The following TAF1 variants were observed in gnomAD, a reference collection of about 807,000 sequenced individuals.
TAF1 encodes the protein TATA-box binding protein associated factor 1.
TAF1 carries 2 observed loss-of-function variants against 138.5 expected under a neutral mutation model. The observed-to-expected ratio is 0.01, with a 90% CI of 0.01 to 0.05. TAF1 has a LOEUF of 0.05. Among genes scored for constraint, TAF1 ranks in the 10% least tolerant of loss-of-function variants. The pLI is 1.00. For synonymous variants in TAF1, 437 were observed against 503.2 expected, an observed-to-expected ratio of 0.87 and a Z score of 1.76; for missense variants, 709 against 1,478.0, an observed-to-expected ratio of 0.48 and a Z score of 8.53.
chrX:71,388,922 T>C, intron 17 of TAF1, 54 bp downstream of exon 17: 2 of 1,148,612 alleles, frequency 1.7e-6, no homozygotes, highest in Non-Finnish European at 2.3e-6. Flanking sequence ...TGTTTTTTTT[T>C]TTCTTCCCCC....
intron 22 of TAF1, among the ~76,000 whole-genome samples, chrX:71,394,763 C>T (rs770179235): frequency 4.0e-4 from 45 of 111,699 alleles, no homozygotes; most frequent in Non-Finnish European, 5.8e-4. Flanking sequence ...TCCTGAGTAG[C>T]TGGGACTATA....
chrX:71,401,465 T>C (rs752906963), intron 24 of TAF1, 63 bp from the exon 25 acceptor site: 156 of 1,167,918 alleles, frequency 1.3e-4, no homozygotes, highest in Non-Finnish European at 1.7e-4. Context: ...TCTTACCTGC[T>C]TATCTCTGAT....
chrX:71,469,480 G>A (rs755512448), downstream of TAF1, among the ~76,000 whole-genome samples: 3 of 109,608 alleles, frequency 2.7e-5, no homozygotes, highest in Admixed American at 2.9e-4. Context: ...GCTTGATTGA[G>A]TCCAGGAGTT....
intron 32 of TAF1, among the ~76,000 whole-genome samples, chrX:71,429,450 A>T (rs1212368930): frequency 1.8e-5 from 2 of 111,475 alleles, no homozygotes; most frequent in African/African-American, 6.5e-5. Context: ...ATGCAAAAGT[A>T]GATGAAGGTG....
At chrX:71,426,081 G>T (rs1409035801) in intron 32 of TAF1, among the ~76,000 whole-genome samples, 1 of 107,731 alleles carries the variant, frequency 9.3e-6, no homozygotes, top group Middle Eastern at 4.3e-3. Flanking sequence ...GCAACATAGT[G>T]AGACCCCATC....
At chrX:71,481,538 C>T (rs1332744452) in intron 13 of TAF1, among the ~76,000 whole-genome samples, 1 of 111,303 alleles carries the variant, frequency 9.0e-6, no homozygotes, top group Non-Finnish European at 1.9e-5. Context: ...TGGGCTCTAC[C>T]CTGAAATTGA....
At chrX:71,367,732 G>GC in intron 2 of TAF1, 119 bp downstream of exon 2, 1 of 837,086 alleles carries the variant, frequency 1.2e-6, no homozygotes. Flanking sequence ...GTGCAGTGGG[G>GC]CGATCTGGGC....
rs112652457 is a variant in TAF1 at position 71,376,946 on chromosome X, G to T, written c.473-4G>T. The T allele has an allele frequency of 9.6e-5, 116 of 1,209,032 alleles. 2 individuals carry two copies. The Middle Eastern group carries it at 3.0e-3, about 31-fold the overall frequency. ...GCCAAAGGGGTTTCTCTTCCTTGTT[G>T]CAGTGTCTGAAAATGGAGAAGGCAT... On this transcript the variant is annotated splice_polypyrimidine_tract_variant and splice_region_variant and intron_variant, in intron 4 of 37. Transcript: ENST00000423759.
intron 13 of TAF1, among the ~76,000 whole-genome samples, chrX:71,525,227 A>G (rs1010124940): frequency 2.7e-5 from 3 of 109,880 alleles, no homozygotes; most frequent in African/African-American, 9.9e-5. Context: ...TTTTTAGTAA[A>G]GAGGGGGTTT....
chrX:71,375,034 C>T, intron 3 of TAF1, 133 bp from the exon 4 acceptor site: 1 of 874,934 alleles, frequency 1.1e-6, no homozygotes, highest in South Asian at 2.8e-5. Context: ...TGAGATTGCA[C>T]CGCTGCACTC....
chrX:71,398,379 C>T (rs2034975166), intron 23 of TAF1, among the ~76,000 whole-genome samples, 193 bp from the exon 24 acceptor site: 1 of 110,749 alleles, frequency 9.0e-6, no homozygotes, highest in Non-Finnish European at 1.9e-5. Context: ...TTACTCAGGA[C>T]TTATTCTAAG....
chrX:71,446,471 T>C (rs1383930966), intron 32 of TAF1, among the ~76,000 whole-genome samples: 1 of 111,972 alleles, frequency 8.9e-6, no homozygotes, highest in African/African-American at 3.2e-5. Context: ...TGAAACAGCA[T>C]AGAATTGTAT....
chrX:71,439,444 A>T, intron 32 of TAF1, among the ~76,000 whole-genome samples: 1 of 111,602 alleles, frequency 9.0e-6, no homozygotes, highest in East Asian at 2.8e-4. Flanking sequence ...TGTCAGGTAG[A>T]CCTTTTAAAA....
At chrX:71,485,558 G>A (rs771019891) in intron 13 of TAF1, among the ~76,000 whole-genome samples, 13 of 111,791 alleles carry the variant, frequency 1.2e-4, no homozygotes, top group Non-Finnish European at 5.6e-5. Flanking sequence ...GTGTGAAGTG[G>A]CATCTCATTG....
intron 22 of TAF1, among the ~76,000 whole-genome samples, chrX:71,396,171 A>G (rs1003408362): frequency 3.7e-5 from 4 of 108,938 alleles, no homozygotes; most frequent in South Asian, 4.0e-4. Context: ...AATAACCTAC[A>G]TTTGAACAAG....
intron 13 of TAF1, among the ~76,000 whole-genome samples, chrX:71,520,051 T>C (rs2039902638): frequency 9.1e-6 from 1 of 110,323 alleles, no homozygotes; most frequent in South Asian, 3.9e-4. Context: ...TGACCTTAAG[T>C]GATCCGCCCA....
Position 71,464,059 on chromosome X carries a change from G to C in TAF1, c.*13G>C. ...CTCTGATGAATGAGGCTTCCTTTGG[G>C]CCTCCTTGGTCAGCCTTCCCTGTTC... On this transcript the variant is annotated 3_prime_UTR_variant, in exon 38 of 38. Coordinates refer to ENST00000423759, the MANE Select transcript of TAF1 (RefSeq NM_004606.5). 1 of 1,174,437 alleles carries C rather than the reference G, an allele frequency of 8.5e-7. No homozygotes were observed. Among genetic ancestry groups the C allele is most frequent in the African/African-American group, 1.8e-5 (1 of 56,812 alleles).
At chrX:71,385,876 T>G (rs1195186144) in intron 14 of TAF1, among the ~76,000 whole-genome samples, 4 of 111,966 alleles carry the variant, frequency 3.6e-5, no homozygotes, top group Non-Finnish European at 5.6e-5. Flanking sequence ...AAGATCTTTT[T>G]CTGGCCGAGC....
intron 13 of TAF1, among the ~76,000 whole-genome samples, chrX:71,483,018 C>T (rs184768182): frequency 7.5e-4 from 83 of 110,766 alleles, no homozygotes; most frequent in Non-Finnish European, 9.3e-4. Flanking sequence ...CTCGCTCTGT[C>T]ACCCAGGCTG....
Sources: allele counts gnomAD v4.1 joint callset (sites outside exome capture counted in the v4.1 genomes callset), GRCh38; gene constraint gnomAD v4.1.1; transcripts MANE v1.5; gene names NCBI Gene and HGNC (gene_info 2026-07-23, HGNC 2026-07-21).